Variants in DOCK10 observed in about 807,000 individuals in gnomAD.
DOCK10 encodes dedicator of cytokinesis protein 10.
DOCK10 carries 145 observed loss-of-function variants against 280.1 expected under a neutral mutation model. That is an observed-to-expected ratio of 0.52 (90% confidence interval 0.45 to 0.59). The LOEUF (loss-of-function observed/expected upper bound fraction) is 0.59, where lower values mean the gene tolerates loss of function less well. Ranked by LOEUF, DOCK10 falls within the 20% of genes least tolerant of loss-of-function variation. The pLI, the probability that DOCK10 is intolerant of heterozygous loss-of-function variation, is 0.00. For missense variants in DOCK10, 2,368 were observed against 2,651.7 expected, an observed-to-expected ratio of 0.89 and a Z score of 2.35; for synonymous variants, 915 against 942.2, an observed-to-expected ratio of 0.97 and a Z score of 0.53.
chr2:224,978,370 T>C (rs1410919180), intron 1 of DOCK10, among the ~76,000 whole-genome samples: 1 of 151,746 alleles, frequency 6.6e-6, no homozygotes, highest in Admixed American at 6.6e-5. Context: ...GAAGCGGAGG[T>C]TGCAGTGAGC....
At chr2:224,779,029 A>T (rs1010459755) in intron 50 of DOCK10, among the ~76,000 whole-genome samples, 2 of 152,102 alleles carry the variant, frequency 1.3e-5, no homozygotes, top group Admixed American at 6.5e-5. Flanking sequence ...AGTAGGTTTT[A>T]GCCTCTATTA....
At chr2:224,984,161 A>G (rs1053964350) in intron 1 of DOCK10, among the ~76,000 whole-genome samples, 1 of 150,812 alleles carries the variant, frequency 6.6e-6, no homozygotes, top group Non-Finnish European at 1.5e-5. Flanking sequence ...GGTTGTGATC[A>G]TCTGCTCATG....
intron 1 of DOCK10, among the ~76,000 whole-genome samples, chr2:225,006,247 T>A (rs1236412600): frequency 6.6e-6 from 1 of 152,206 alleles, no homozygotes; most frequent in African/African-American, 2.4e-5. Context: ...AATCCCCTAG[T>A]GGTTTCCTAA....
intron 1 of DOCK10, among the ~76,000 whole-genome samples, chr2:224,999,674 T>C (rs1243943075): frequency 6.6e-6 from 1 of 151,500 alleles, no homozygotes; most frequent in Non-Finnish European, 1.5e-5. Context: ...AATAATATGA[T>C]TCCCTCTTGG....
intron 1 of DOCK10, among the ~76,000 whole-genome samples, chr2:224,990,724 A>G (rs902773096): frequency 1.3e-5 from 2 of 152,146 alleles, no homozygotes; most frequent in Non-Finnish European, 2.9e-5. Flanking sequence ...GTTAGCTCCC[A>G]TGGTAATGTG....
rs191457656 is a variant in DOCK10 at position 224,857,757 on chromosome 2, A to T, written c.1686-775T>A. On this transcript the variant is annotated intron_variant, in intron 14 of 55. Coordinates refer to ENST00000258390, the MANE Select transcript of DOCK10 (RefSeq NM_014689.3). ...CAATGTGTGGTCAAAAAAAAATAGA[A>T]TTTTTTTTTTTTACTTCAGTGTTAG... Among the ~76,000 whole-genome samples, 698 of 147,740 alleles carry T rather than the reference A, an allele frequency of 4.7e-3. 5 individuals carry two copies. The highest frequency in any genetic ancestry group is 0.016 in the African/African-American group (658 of 40,496).
intron 44 of DOCK10, among the ~76,000 whole-genome samples, chr2:224,795,887 A>G (rs983836152): frequency 6.6e-6 from 1 of 152,156 alleles, no homozygotes; most frequent in African/African-American, 2.4e-5. Flanking sequence ...ATTTATGGTA[A>G]ATCCTCTTGT....
intron 1 of DOCK10, among the ~76,000 whole-genome samples, chr2:225,012,097 C>T (rs1022595752): frequency 1.1e-4 from 17 of 152,166 alleles, no homozygotes; most frequent in African/African-American, 3.9e-4. Flanking sequence ...GAATGAGGCC[C>T]CACTCATTCA....
chr2:224,806,667 T>C (rs554333581), intron 33 of DOCK10, among the ~76,000 whole-genome samples: 37 of 152,260 alleles, frequency 2.4e-4, no homozygotes, highest in African/African-American at 8.9e-4. Flanking sequence ...TGCAATGGCA[T>C]GATTATAGTT....
At chr2:224,994,038 A>G (rs1322733053) in intron 1 of DOCK10, among the ~76,000 whole-genome samples, 1 of 152,258 alleles carries the variant, frequency 6.6e-6, no homozygotes, top group Admixed American at 6.5e-5. Context: ...TTTGGGTTCT[A>G]AAACACAGCC....
chr2:224,794,771 A>T, intron 45 of DOCK10, 108 bp downstream of exon 45: 2 of 1,009,086 alleles, frequency 2.0e-6, no homozygotes, highest in Non-Finnish European at 3.0e-6. Context: ...TTTCTAGATT[A>T]GTTGAAAAAC....
At chr2:224,947,154 A>C in intron 1 of DOCK10, 2 of 863,454 alleles carry the variant, frequency 2.3e-6, no homozygotes, top group South Asian at 2.4e-5. Flanking sequence ...CCAGCTGTTC[A>C]GATACTGCTT....
Position 224,824,723 on chromosome 2 carries a change from C to T in DOCK10, c.3037-1076G>A, listed in dbSNP as rs1009583121. The stretch of plus-strand genomic sequence containing the variant: ...TGCTAGGATTACAAGTGTGAGCCCC[C>T]GTGCCCAGCCTTACTTCTGATAAGA... On this transcript the variant is annotated intron_variant, in intron 27 of 55. Coordinates refer to ENST00000258390, the MANE Select transcript of DOCK10 (RefSeq NM_014689.3). Among the ~76,000 whole-genome samples, 17 of 151,820 alleles carry T rather than the reference C, an allele frequency of 1.1e-4. 1 individual carries two copies. Among genetic ancestry groups the T allele is most frequent in the Non-Finnish European group, 4.4e-5 (3 of 67,970 alleles).
intron 1 of DOCK10, among the ~76,000 whole-genome samples, chr2:225,024,111 A>T (rs1390008430): frequency 6.6e-6 from 1 of 152,208 alleles, no homozygotes; most frequent in Non-Finnish European, 1.5e-5. Context: ...AAAGCAACTG[A>T]CCTGTATTTT....
intron 1 of DOCK10, among the ~76,000 whole-genome samples, chr2:224,979,930 C>G (rs575733872): frequency 6.7e-6 from 1 of 149,798 alleles, no homozygotes; most frequent in East Asian, 2.0e-4. Context: ...GGATTCCAAC[C>G]TAGGTGTTCT....
At chr2:224,983,576 G>A in intron 1 of DOCK10, 1 of 309,496 alleles carries the variant, frequency 3.2e-6, no homozygotes, top group Non-Finnish European at 6.5e-6. Context: ...GTTTGAGGAA[G>A]GATTGTTTTG....
rs1464366302 is a variant in DOCK10 at position 224,874,292 on chromosome 2, G to T, written c.1075C>A (p.Leu359Met). The change falls in exon 10 of 56, where the codon CTG becomes ATG. Residue 359 changes from leucine to methionine, a missense_variant. This residue lies in a region of DOCK10 where 1,209 missense variants were observed against 1,250.9 expected (regional missense o/e 0.97). Coordinates refer to ENST00000258390, the MANE Select transcript of DOCK10 (RefSeq NM_014689.3). The part of the protein sequence containing the change: ...KTTRNMERLN[L>M]FSLDPDIDTL... Reference sequence around the variant, plus strand: ...TCTATGTCTGGATCTAGAGAGAACAGATTTAGCCTCTCCATGTTTCGAGTT... The same window carrying T: ...TCTATGTCTGGATCTAGAGAGAACATATTTAGCCTCTCCATGTTTCGAGTT... The T allele has an allele frequency of 6.2e-7, 1 of 1,613,350 alleles. No homozygotes were observed. Among genetic ancestry groups the T allele is most frequent in the African/African-American group, 1.3e-5 (1 of 74,926 alleles).
intron 1 of DOCK10, among the ~76,000 whole-genome samples, chr2:225,026,123 G>C (rs992857364): frequency 6.6e-6 from 1 of 152,166 alleles, no homozygotes; most frequent in South Asian, 2.1e-4. Flanking sequence ...CTGGTGGCAC[G>C]GGCCTGAGTG....
At chr2:224,918,654 G>A (rs1183681491) in intron 2 of DOCK10, among the ~76,000 whole-genome samples, 6 of 150,842 alleles carry the variant, frequency 4.0e-5, no homozygotes, top group Non-Finnish European at 1.5e-5. Flanking sequence ...TGTGTGGTGT[G>A]TATATGGTGT....
Sources: allele counts gnomAD v4.1 joint callset (sites outside exome capture counted in the v4.1 genomes callset), GRCh38; gene constraint gnomAD v4.1.1; regional missense constraint gnomAD v4.1.1; transcripts MANE v1.5; gene names NCBI Gene and HGNC (gene_info 2026-07-23, HGNC 2026-07-21).